Variants in PFAS observed in about 807,000 individuals in gnomAD.
PFAS encodes the protein phosphoribosylformylglycinamidine synthase.
A neutral mutation model predicts 140.6 loss-of-function variants in PFAS; 97 were observed. That is an observed-to-expected ratio of 0.69 (90% CI 0.59 to 0.82). The LOEUF (loss-of-function observed/expected upper bound fraction) is 0.82, where lower values mean the gene tolerates loss of function less well. PFAS is among the 40% of genes least tolerant of loss of function. PFAS has a pLI of 0.00. For missense variants in PFAS, 1,656 were observed against 1,780.2 expected (o/e 0.93, Z 1.26); for synonymous variants, 679 against 718.8 (o/e 0.94, Z 0.88).
Position 8,255,125 on chromosome 17 carries a change from G to T in PFAS, c.377G>T (p.Arg126Leu). ...CGTGTGGAGACCACCCGGCGCTACCGGCTCTCGGTGAGGTGATGGGGAATC... is the reference window on the plus strand; with the variant it reads ...CGTGTGGAGACCACCCGGCGCTACCTGCTCTCGGTGAGGTGATGGGGAATC... ...VDRVETTRRY[R>L]LSFAHPPSAE... The change falls in exon 4 of 28, where the codon CGG becomes CTG. Residue 126 changes from arginine (R) to leucine (L), a missense_variant. By Grantham distance (102) the Arg-to-Leu change is moderately radical (BLOSUM62 -2). Coordinates refer to ENST00000314666, the MANE Select transcript of PFAS (RefSeq NM_012393.3). 6.2e-7 allele frequency: 1 copy of T among 1,608,314 alleles called. No homozygotes were observed.
chr17:8,255,997 C>CT (rs1302130721), intron 6 of PFAS, 87 bp downstream of exon 6: 1 of 1,051,818 alleles, frequency 9.5e-7, no homozygotes, highest in African/African-American at 1.6e-5. Context: ...CCTCCCTTGG[C>CT]TTAGGGGCCT....
At chr17:8,259,871 T>C (rs1989522193) in intron 11 of PFAS, among the ~76,000 whole-genome samples, 1 of 152,094 alleles carries the variant, frequency 6.6e-6, no homozygotes. Context: ...GAGGCCATGG[T>C]GGGCAGATCA....
chr17:8,265,409 G>GT lies in PFAS; in HGVS notation c.2403dup (p.Gly802TrpfsTer14). The GT allele has an allele frequency of 6.2e-7, 1 of 1,614,174 alleles. No homozygotes were observed. Among genetic ancestry groups the GT allele is most frequent in the South Asian group, 1.1e-5 (1 of 91,086 alleles). ...GCAGCCCTGGGTGTGGCAGTGGATG[G>GT]TGGCAAGGACTCCCTCAGCATGGCT... On this transcript the variant is annotated frameshift_variant, in exon 19 of 28. Coordinates refer to ENST00000314666, the MANE Select transcript of PFAS (RefSeq NM_012393.3). LOFTEE classifies it high-confidence loss of function.
Position 8,254,012 on chromosome 17 carries a change from A to C in PFAS, c.75A>C (p.Lys25Asn). 1 of 1,614,072 alleles carries C rather than the reference A, an allele frequency of 6.2e-7. No homozygotes were observed. Among genetic ancestry groups the C allele is most frequent in the Non-Finnish European group, 8.5e-7 (1 of 1,179,960 alleles). ...CAGCCCCTGGACACACTCGGAGGAA[A>C]CTGCAAGGGAAACTGCCAGAGCTGC... ...EGAAPGHTRR[K>N]LQGKLPELQG... The change falls in exon 2 of 28, where the codon AAA becomes AAC. Residue 25 changes from lysine to asparagine, a missense_variant. Around this residue, in one of 2 missense-constraint regions of PFAS, gnomAD observed 773 missense variants for 757.3 expected, o/e 1.02. Transcript: ENST00000314666.
chr17:8,255,065 C>A lies in PFAS; in HGVS notation c.317C>A (p.Ser106Ter). 2 of 1,614,010 alleles carry A rather than the reference C, an allele frequency of 1.2e-6. No homozygotes were observed. The highest frequency in any genetic ancestry group is 1.7e-6 in the Non-Finnish European group (2 of 1,179,988). Residue 106 changes from serine to a stop codon, truncating the protein, a stop_gained, in exon 4 of 28, where the codon TCA (serine) becomes TAA (stop). Coordinates refer to ENST00000314666, the MANE Select transcript of PFAS (RefSeq NM_012393.3). LOFTEE classifies it high-confidence loss of function. ...FSTPTSTNIVSVCRATGLGPV... is the reference protein window; with the variant it reads ...FSTPTSTNIV Reference sequence around the variant, plus strand: ...ACCCCAACATCCACCAACATCGTGTCAGTGTGCCGCGCCACTGGGCTGGGG... The same window carrying A: ...ACCCCAACATCCACCAACATCGTGTAAGTGTGCCGCGCCACTGGGCTGGGG...
intron 18 of PFAS, 30 bp from the exon 19 acceptor site, chr17:8,265,258 C>G: frequency 6.2e-7 from 1 of 1,604,796 alleles, no homozygotes. Context: ...TTTCTCTTCC[C>G]CTCTAATGCT....
chr17:8,251,291 A>T (rs1033230269), intron 1 of PFAS, among the ~76,000 whole-genome samples: 1 of 152,050 alleles, frequency 6.6e-6, no homozygotes, highest in African/African-American at 2.4e-5. Context: ...TCTCAAAAAA[A>T]GAAAAAGAAA....
rs1270139320 is a variant in PFAS at position 8,265,614 on chromosome 17, A to G, written c.2520A>G (p.Pro840=). The part of the protein sequence containing the change: ...VCPDITATVT[P]DLKHPEGRGH... ...CAGACATCACAGCCACTGTGACCCC[A>G]GACCTCAAGCATCCTGAAGGGAGAG... The change falls in exon 20 of 28, where the codon CCA becomes CCG. Residue 840 remains proline (P), a synonymous_variant. Coordinates refer to ENST00000314666, the MANE Select transcript of PFAS (RefSeq NM_012393.3). The G allele has an allele frequency of 1.2e-6, 2 of 1,613,932 alleles. No homozygotes were observed. Among genetic ancestry groups the G allele is most frequent in the Non-Finnish European group, 1.7e-6 (2 of 1,179,806 alleles).
intron 12 of PFAS, 47 bp downstream of exon 12, chr17:8,263,040 C>A (rs759240875): frequency 2.3e-5 from 37 of 1,609,836 alleles, no homozygotes; most frequent in Non-Finnish European, 3.1e-5. Flanking sequence ...ATAACCGGGC[C>A]CCAGGCATAG....
chr17:8,252,291 CA>C (rs576143970), intron 1 of PFAS, among the ~76,000 whole-genome samples: 2 of 144,164 alleles, frequency 1.4e-5, no homozygotes, highest in Admixed American at 6.9e-5. Flanking sequence ...GAATCCATCT[CA>C]AAAAAAAAGA....
chr17:8,257,496 C>G (rs1321567740), intron 9 of PFAS, among the ~76,000 whole-genome samples: 1 of 152,068 alleles, frequency 6.6e-6, no homozygotes, highest in African/African-American at 2.4e-5. Context: ...GCGGAGCTTT[C>G]AGTGAGCCAA....
At chr17:8,248,239 TC>T, upstream of PFAS, 1 of 587,542 alleles carries the variant, frequency 1.7e-6, no homozygotes, top group Non-Finnish European at 3.1e-6. Flanking sequence ...CTGTCTCTTT[TC>T]TCTGATTTTT....
intron 1 of PFAS, among the ~76,000 whole-genome samples, chr17:8,251,668 C>CTTTTT (rs71159571): frequency 2.4e-5 from 2 of 84,338 alleles, no homozygotes; most frequent in Non-Finnish European, 5.1e-5. Context: ...TTAAGCAATT[C>CTTTTT]TTTTTTTTTT....
Position 8,265,957 on chromosome 17 carries a change from G to T in PFAS, c.2641G>T (p.Asp881Tyr). The T allele has an allele frequency of 6.2e-7, 1 of 1,613,804 alleles. No homozygotes were observed. Among genetic ancestry groups the T allele is most frequent in the South Asian group, 1.1e-5 (1 of 91,044 alleles). ...CTCCCAGCTTGGGGAACACCCTCCA[G>T]ACCTGGACCTTCCTGAGAACTTGGT... ...CFSQLGEHPP[D>Y]LDLPENLVRA... Residue 881 changes from aspartate to tyrosine, a missense_variant, in exon 21 of 28, where the codon GAC becomes TAC. Transcript: ENST00000314666.
Position 8,267,982 on chromosome 17 carries a change from TTA to T in PFAS, c.3382+323_3382+324del, listed in dbSNP as rs1409608003. 6.9e-6 allele frequency among the ~76,000 whole-genome samples: 1 copy of T among 144,096 alleles called. No homozygotes were observed. The highest frequency in any genetic ancestry group is 1.5e-5 in the Non-Finnish European group (1 of 66,136). 94.5% of individuals were successfully genotyped at this position (144,096 alleles called of 152,430 possible). A position where few individuals can be genotyped will look rare whatever the true frequency, so the allele number is the denominator to read the frequency against. Reference sequence around the variant, plus strand: ...AATATATATTATTTATATATATTATTTATATATTATTAAAATATATTATTTAT... The same window carrying T: ...AATATATATTATTTATATATATTATTTATATTATTAAAATATATTATTTAT... On this transcript the variant is annotated intron_variant, in intron 26 of 27. Coordinates refer to ENST00000314666, the MANE Select transcript of PFAS (RefSeq NM_012393.3). This position sits in a 1 kb window ranked among gnomAD's most constrained non-coding sequence, Gnocchi z 4.9.
intron 11 of PFAS, chr17:8,262,440 A>G (rs1303928749): frequency 6.3e-6 from 1 of 158,456 alleles, no homozygotes; most frequent in Non-Finnish European, 1.4e-5. Flanking sequence ...TTTGGTTGTT[A>G]TTGCCAAATC....
intron 11 of PFAS, among the ~76,000 whole-genome samples, chr17:8,258,782 C>G (rs143323164): frequency 6.6e-6 from 1 of 151,830 alleles, no homozygotes; most frequent in Admixed American, 6.6e-5. Flanking sequence ...GTCAGGAGAT[C>G]GAGACCATCC....
chr17:8,266,533 T>C lies in PFAS; in HGVS notation c.2821+180T>C, dbSNP rs1191139294. The C allele has an allele frequency of 2.1e-6, 3 of 1,451,852 alleles. No individual in the cohort carries two copies. Among genetic ancestry groups the C allele is most frequent in the East Asian group, 2.5e-5 (1 of 40,506 alleles). The allele number at this position is 1,451,852 out of a possible 1,614,324, so 89.9% of individuals were successfully genotyped here. ...GGATGGAACTGGCTGACACCCACCATGTTCCTGACTGCACCCCTCTGAGAC... is the reference window on the plus strand; with the variant it reads ...GGATGGAACTGGCTGACACCCACCACGTTCCTGACTGCACCCCTCTGAGAC... On this transcript the variant is annotated intron_variant, in intron 22 of 27. Coordinates refer to ENST00000314666, the MANE Select transcript of PFAS (RefSeq NM_012393.3). This position sits in a 1 kb window ranked among gnomAD's most constrained non-coding sequence, Gnocchi z 5.0.
Position 8,269,410 on chromosome 17 carries a change from C to T in PFAS, c.*146C>T, listed in dbSNP as rs1989949716. 9.8e-6 allele frequency: 6 copies of T among 609,620 alleles called. No individual in the cohort carries two copies. The highest frequency in any genetic ancestry group is 4.2e-5 in the South Asian group (2 of 47,622). 37.8% of individuals were successfully genotyped at this position (609,620 alleles called of 1,614,324 possible). ...CAAAATGCCAAAATCTCAGCGGACT[C>T]GATAATCTGCCTGCTGATGTTCCTT... On this transcript the variant is annotated 3_prime_UTR_variant, in exon 28 of 28. Coordinates refer to ENST00000314666, the MANE Select transcript of PFAS (RefSeq NM_012393.3).
Sources: allele counts gnomAD v4.1 joint callset (sites outside exome capture counted in the v4.1 genomes callset), GRCh38; gene constraint gnomAD v4.1.1; regional missense constraint gnomAD v4.1.1; non-coding constraint Gnocchi (gnomAD v3.1); transcripts MANE v1.5; gene names NCBI Gene and HGNC (gene_info 2026-07-23, HGNC 2026-07-21).